Variants in UNC80 observed in about 807,000 individuals in gnomAD.
The protein encoded by UNC80 is protein unc-80 homolog.
Under a neutral mutation model 384.6 loss-of-function variants are expected in UNC80, and 164 were observed. The ratio of observed to expected loss-of-function variants is 0.43; its 90% CI spans 0.38 to 0.49. The LOEUF (loss-of-function observed/expected upper bound fraction) is 0.49, where lower values mean the gene tolerates loss of function less well. Among genes scored for constraint, UNC80 ranks in the 20% least tolerant of loss-of-function variants. The probability of loss-of-function intolerance (pLI) is 0.00; values close to 1 mark genes in which losing one functional copy is unlikely to be tolerated. For synonymous variants in UNC80, 1,486 were observed against 1,527.8 expected (o/e 0.97, Z 0.64); for missense variants, 3,330 against 4,143.0 (o/e 0.80, Z 5.39).
At chr2:209,907,381 A>C (rs905530080) in intron 29 of UNC80, among the ~76,000 whole-genome samples, 2 of 152,088 alleles carry the variant, frequency 1.3e-5, no homozygotes, top group Non-Finnish European at 1.5e-5. Context: ...AAAACTCCCA[A>C]ATTGATGTAA....
Position 209,831,562 on chromosome 2 carries a change from A to C in UNC80, c.2746A>C (p.Thr916Pro). The change falls in exon 16 of 65, where the codon ACA becomes CCA. Residue 916 changes from threonine to proline, a missense_variant. Thr to Pro is a conservative substitution (Grantham distance 38). Coordinates refer to ENST00000673920, the MANE Select transcript of UNC80 (RefSeq NM_001371986.1). ...KSLITRCAST[T>P]HELHSPENLG... ...CCTCATCACACGCTGCGCTTCAACC[A>C]CACATGAATTGCACAGCCCTGAGAA... 6.5e-7 allele frequency: 1 copy of C among 1,549,512 alleles called. No homozygotes were observed.
chr2:209,847,665 T>C (rs766481454), intron 21 of UNC80, among the ~76,000 whole-genome samples: 1 of 152,070 alleles, frequency 6.6e-6, no homozygotes, highest in Non-Finnish European at 1.5e-5. Context: ...TTTAGTAGTA[T>C]TGAATACAAT....
chr2:209,843,368 A>G (rs533711582), intron 21 of UNC80, among the ~76,000 whole-genome samples: 4 of 152,234 alleles, frequency 2.6e-5, no homozygotes, highest in Admixed American at 6.5e-5. Flanking sequence ...TTTTTTTCAC[A>G]TGGATGAATA....
chr2:209,993,087 A>C (rs892145761), intron 62 of UNC80, among the ~76,000 whole-genome samples: 14 of 152,260 alleles, frequency 9.2e-5, no homozygotes, highest in Non-Finnish European at 2.1e-4. Context: ...GATCTAAATT[A>C]TGTTAGTCAA....
At chr2:209,963,400 A>G (rs2092654009) in intron 51 of UNC80, among the ~76,000 whole-genome samples, 1 of 152,214 alleles carries the variant, frequency 6.6e-6, no homozygotes, top group South Asian at 2.1e-4. Flanking sequence ...TGGGAAAGGG[A>G]AATTTTGTTT....
chr2:209,781,142 C>T (rs904951166), intron 4 of UNC80, among the ~76,000 whole-genome samples: 6 of 152,116 alleles, frequency 3.9e-5, no homozygotes, highest in African/African-American at 1.4e-4. Flanking sequence ...AAAGCATGAA[C>T]CCATGCCTCC....
At chr2:209,858,292 A>G (rs994209014) in intron 22 of UNC80, among the ~76,000 whole-genome samples, 3 of 152,232 alleles carry the variant, frequency 2.0e-5, no homozygotes, top group Admixed American at 6.5e-5. Context: ...ATGTTTTTCT[A>G]CAAGGCTAAT....
intron 6 of UNC80, among the ~76,000 whole-genome samples, chr2:209,790,828 A>C (rs1271733424): frequency 6.6e-6 from 1 of 152,214 alleles, no homozygotes; most frequent in Non-Finnish European, 1.5e-5. Flanking sequence ...TATAATTAAA[A>C]AGCTGTGCCT....
At position 209,917,875 on chromosome 2, in the gene UNC80, G is replaced by A; in HGVS notation, c.5128G>A (p.Ala1710Thr). 4 of 1,551,934 alleles carry A rather than the reference G, an allele frequency of 2.6e-6. No individual in the cohort carries two copies. The highest frequency in any genetic ancestry group is 2.6e-6 in the Non-Finnish European group (3 of 1,147,038). ...CCCGGAGACTGTGCAGAGGCTGAAC[G>A]CTGTCCTCAAGTTCCACACGCTCTG... ...HHPETVQRLN[A>T]VLKFHTLWRF... The change falls in exon 32 of 65, where the codon GCT (alanine) becomes ACT (threonine). Residue 1710 changes from alanine (A) to threonine (T), a missense_variant. Physicochemically the swap from Ala to Thr is moderately conservative, Grantham distance 58. Around this residue, in one of 8 missense-constraint regions of UNC80, gnomAD observed 801 missense variants for 950.8 expected, o/e 0.84. Coordinates refer to ENST00000673920, the MANE Select transcript of UNC80 (RefSeq NM_001371986.1).
chr2:209,888,396 TG>T (rs2086024131), intron 26 of UNC80, 136 bp downstream of exon 26: 2 of 958,784 alleles, frequency 2.1e-6, no homozygotes, highest in Admixed American at 5.7e-5. Context: ...GGCTTTATGA[TG>T]GAAAATCATG....
At chr2:209,790,635 C>A (rs1446690671) in intron 6 of UNC80, among the ~76,000 whole-genome samples, 1 of 152,046 alleles carries the variant, frequency 6.6e-6, no homozygotes, top group African/African-American at 2.4e-5. Context: ...AAGCATATGT[C>A]AGAGGGAATA....
chr2:209,940,818 A>T (rs2091580892), intron 43 of UNC80, among the ~76,000 whole-genome samples: 2 of 152,152 alleles, frequency 1.3e-5, no homozygotes, highest in Admixed American at 1.3e-4. Flanking sequence ...CTCCATCTCA[A>T]AAAAACAAAA....
intron 56 of UNC80, among the ~76,000 whole-genome samples, chr2:209,975,144 C>G (rs1318566515): frequency 6.6e-6 from 1 of 152,176 alleles, no homozygotes; most frequent in African/African-American, 2.4e-5. Flanking sequence ...TGCATTTAGT[C>G]ACTCAATGCA....
intron 21 of UNC80, among the ~76,000 whole-genome samples, chr2:209,844,476 T>TTTCCTTCCTTCC (rs1163831109): frequency 3.0e-4 from 21 of 69,522 alleles, no homozygotes; most frequent in East Asian, 1.1e-3. Context: ...TCTTTCTTTC[T>TTTCCTTCCTTCC]TTCCTTCCTT....
At chr2:209,971,396 G>A (rs1161475539) in intron 54 of UNC80, among the ~76,000 whole-genome samples, 2 of 149,720 alleles carry the variant, frequency 1.3e-5, no homozygotes, top group African/African-American at 2.5e-5. Context: ...TGAATATTAT[G>A]AGTGCTTTTT....
Position 209,959,610 on chromosome 2 carries a change from T to C in UNC80, c.7708T>C (p.Tyr2570His), listed in dbSNP as rs1409136661. 1 of 1,551,758 alleles carries C rather than the reference T, an allele frequency of 6.4e-7. No homozygotes were observed. The highest frequency in any genetic ancestry group is 8.7e-7 in the Non-Finnish European group (1 of 1,146,998). The change falls in exon 51 of 65, where the codon TAT becomes CAT. Residue 2570 changes from tyrosine (Y) to histidine (H), a missense_variant. Around this residue, in one of 8 missense-constraint regions of UNC80, gnomAD observed 1,049 missense variants for 1,488.6 expected, o/e 0.70. Coordinates refer to ENST00000673920, the MANE Select transcript of UNC80 (RefSeq NM_001371986.1). ...ESLLNICTEF[Y>H]KHCGPRLKIL... is the part of the protein sequence containing the mutation. ...CTTACTGAATATTTGCACTGAGTTC[T>C]ATAAGCACTGTGGGCCACGGCTGAA...
chr2:209,838,567 AT>A (rs1189165196), intron 18 of UNC80, among the ~76,000 whole-genome samples: 2 of 151,910 alleles, frequency 1.3e-5, no homozygotes, highest in South Asian at 2.1e-4. Context: ...GCATTTAAAT[AT>A]TTTTTTAAGA....
chr2:209,903,096 A>G (rs1357454348), intron 28 of UNC80, among the ~76,000 whole-genome samples: 1 of 151,920 alleles, frequency 6.6e-6, no homozygotes, highest in Non-Finnish European at 1.5e-5. Flanking sequence ...TTTCCAGATT[A>G]CTTATAATAC....
intron 31 of UNC80, 116 bp from the exon 32 acceptor site, chr2:209,917,661 C>A: frequency 8.0e-7 from 1 of 1,251,978 alleles, no homozygotes; most frequent in South Asian, 1.5e-5. Flanking sequence ...GGTAGCCTAG[C>A]TCCATATAGC....
Sources: allele counts gnomAD v4.1 joint callset (sites outside exome capture counted in the v4.1 genomes callset), GRCh38; gene constraint gnomAD v4.1.1; regional missense constraint gnomAD v4.1.1; transcripts MANE v1.5; gene names NCBI Gene and HGNC (gene_info 2026-07-23, HGNC 2026-07-21).